ADGRB3: variants seen among roughly 807,000 people sequenced by gnomAD.
The protein encoded by ADGRB3 is adhesion G protein-coupled receptor B3, also known as brain-specific angiogenesis inhibitor 3.
ADGRB3 carries 37 observed loss-of-function variants against 193.4 expected under a neutral mutation model. That is an observed-to-expected ratio of 0.19 (90% confidence interval 0.15 to 0.25). The LOEUF (loss-of-function observed/expected upper bound fraction) is 0.25. ADGRB3 is among the 10% of genes least tolerant of loss of function. The pLI, the probability that ADGRB3 is intolerant of heterozygous loss-of-function variation, is 1.00. For synonymous variants in ADGRB3, 690 were observed against 644.2 expected (o/e 1.07, Z -1.08); for missense variants, 1,637 against 1,852.9 (o/e 0.88, Z 2.14).
rs575267834 is a variant in ADGRB3, at chr6:68,791,427, C to T, written c.758-139132C>T. Among the ~76,000 whole-genome samples, 71 of 152,102 alleles carry T rather than the reference C, an allele frequency of 4.7e-4. 1 individual carries two copies. The highest frequency in any genetic ancestry group is 1.5e-3 in the African/African-American group (61 of 41,500). On this transcript the variant is annotated intron_variant, in intron 3 of 31. Coordinates refer to ENST00000370598, the MANE Select transcript of ADGRB3 (RefSeq NM_001704.3). ...AGAAGTGTGAAGAAAATTAGTGGAA[C>T]GTTTCTTTTATTGCTTTTTATTTTT...
chr6:69,154,907 T>C (rs762778721), intron 17 of ADGRB3, among the ~76,000 whole-genome samples: 3 of 152,272 alleles, frequency 2.0e-5, no homozygotes, highest in Non-Finnish European at 2.9e-5. Flanking sequence ...AGGCCCTTGC[T>C]ACTTGCTAAG....
At chr6:69,351,728 G>A (rs753754246) in intron 26 of ADGRB3, among the ~76,000 whole-genome samples, 3 of 152,130 alleles carry the variant, frequency 2.0e-5, no homozygotes, top group East Asian at 1.9e-4. Context: ...CTGAAAAGAC[G>A]TGGATTTCTT....
intron 17 of ADGRB3, among the ~76,000 whole-genome samples, chr6:69,154,208 G>A (rs1774767429): frequency 6.6e-6 from 1 of 152,110 alleles, no homozygotes; most frequent in Admixed American, 6.5e-5. Context: ...TGTTTTAGGA[G>A]GGATCGTAGT....
intron 17 of ADGRB3, among the ~76,000 whole-genome samples, chr6:69,187,073 C>CT (rs530804720): frequency 1.3e-5 from 2 of 151,486 alleles, no homozygotes; most frequent in Non-Finnish European, 2.9e-5. Context: ...GATTTCCCCT[C>CT]TTTTTTTCTG....
chr6:68,727,071 G>A (rs1369947344), intron 3 of ADGRB3, among the ~76,000 whole-genome samples: 1 of 151,580 alleles, frequency 6.6e-6, no homozygotes, highest in East Asian at 1.9e-4. Flanking sequence ...CAATATCCGT[G>A]TGGTAGCCCC....
At chr6:68,897,385 GGAAA>G (rs1413678354) in intron 3 of ADGRB3, among the ~76,000 whole-genome samples, 4 of 139,032 alleles carry the variant, frequency 2.9e-5, no homozygotes, top group Non-Finnish European at 4.6e-5. Context: ...AAAGGAAGAA[GGAAA>G]GAAAGAAAGA....
intron 3 of ADGRB3, among the ~76,000 whole-genome samples, chr6:68,860,749 G>A (rs190314906): frequency 6.4e-4 from 97 of 152,124 alleles, no homozygotes; most frequent in Non-Finnish European, 1.1e-3. Context: ...TTTTTCCTGT[G>A]GGGAGATACC....
intron 3 of ADGRB3, among the ~76,000 whole-genome samples, chr6:68,873,329 T>C (rs544137566): frequency 1.2e-3 from 185 of 152,274 alleles, no homozygotes; most frequent in African/African-American, 4.3e-3. Flanking sequence ...ACTCTGGTTT[T>C]AGGTTTGGCT....
intron 3 of ADGRB3, among the ~76,000 whole-genome samples, chr6:68,865,557 C>T (rs1765273385): frequency 6.6e-6 from 1 of 152,106 alleles, no homozygotes; most frequent in African/African-American, 2.4e-5. Flanking sequence ...AACATTAGCC[C>T]TCAGCCATCT....
chr6:69,251,593 G>T (rs1305887445), intron 20 of ADGRB3, among the ~76,000 whole-genome samples: 1 of 152,198 alleles, frequency 6.6e-6, no homozygotes, highest in Admixed American at 6.5e-5. Flanking sequence ...AATCAAGTAG[G>T]ATTGCACCTA....
chr6:68,694,244 G>C (rs1439047111), intron 3 of ADGRB3, among the ~76,000 whole-genome samples: 4 of 151,876 alleles, frequency 2.6e-5, no homozygotes. Context: ...TGATGCCAGG[G>C]GCCTAGTGAA....
At chr6:69,252,388 C>G (rs941144001) in intron 20 of ADGRB3, among the ~76,000 whole-genome samples, 1 of 151,906 alleles carries the variant, frequency 6.6e-6, no homozygotes, top group Non-Finnish European at 1.5e-5. Context: ...TTTGTATGGA[C>G]ATGTATTTTC....
At chr6:68,907,789 A>G (rs986732591) in intron 3 of ADGRB3, among the ~76,000 whole-genome samples, 2 of 151,898 alleles carry the variant, frequency 1.3e-5, no homozygotes, top group African/African-American at 2.4e-5. Flanking sequence ...ATTTTTAACC[A>G]TGTTTGCCAG....
In ADGRB3 at chr6:69,036,879, G is replaced by A. The variant is rs369802598; in HGVS notation, c.2108-11306G>A. ...GATTTTTTTCTAGGAGCGCTGGCCA[G>A]CCATTGAATTATTTCAAGTAAGAAA... is the stretch of plus-strand genomic sequence containing the variant. On this transcript the variant is annotated intron_variant, in intron 13 of 31. Transcript: ENST00000370598. Among the ~76,000 whole-genome samples, 4 of 152,142 alleles carry A rather than the reference G, an allele frequency of 2.6e-5. No individual in the cohort carries two copies. In the East Asian group the frequency reaches 7.7e-4, roughly 29 times the overall value.
chr6:69,227,871 G>A (rs1215205867), intron 17 of ADGRB3, among the ~76,000 whole-genome samples: 1 of 152,206 alleles, frequency 6.6e-6, no homozygotes, highest in East Asian at 1.9e-4. Context: ...TTACATGTCT[G>A]CTATATGCTA....
chr6:68,686,233 AT>A (rs35544283), intron 3 of ADGRB3, among the ~76,000 whole-genome samples: 57,703 of 151,890 alleles, frequency 0.38, 11,553 homozygotes, highest in East Asian at 0.59. Flanking sequence ...TTTCCTGGAT[AT>A]TTTTTCTGCT....
intron 3 of ADGRB3, among the ~76,000 whole-genome samples, chr6:68,701,525 T>G (rs1177467423): frequency 6.6e-6 from 1 of 152,202 alleles, no homozygotes; most frequent in Non-Finnish European, 1.5e-5. Context: ...TGTATATATC[T>G]TTACAAGATA....
At chr6:68,781,083 G>C (rs1766843791) in intron 3 of ADGRB3, among the ~76,000 whole-genome samples, 1 of 152,162 alleles carries the variant, frequency 6.6e-6, no homozygotes, top group Admixed American at 6.6e-5. Flanking sequence ...GCAACTGCAT[G>C]AATTCGTGTA....
intron 29 of ADGRB3, among the ~76,000 whole-genome samples, chr6:69,369,688 A>G (rs1248496584): frequency 6.9e-6 from 1 of 144,780 alleles, no homozygotes; most frequent in Non-Finnish European, 1.5e-5. Context: ...ACAGAGCAAG[A>G]CCATTTCAAA....
Sources: allele counts gnomAD v4.1 joint callset (sites outside exome capture counted in the v4.1 genomes callset), GRCh38; gene constraint gnomAD v4.1.1; transcripts MANE v1.5; gene names NCBI Gene and HGNC (gene_info 2026-07-23, HGNC 2026-07-21).